Variants in NCOA2 observed in about 807,000 individuals in gnomAD.
NCOA2 encodes nuclear receptor coactivator 2.
NCOA2 carries 21 observed loss-of-function variants against 145.1 expected under a neutral mutation model. The ratio of observed to expected loss-of-function variants is 0.14; its 90% CI spans 0.10 to 0.21. The LOEUF is 0.21. NCOA2 is among the 10% of genes least tolerant of loss of function. NCOA2 has a pLI of 1.00. For synonymous variants in NCOA2, 619 were observed against 637.5 expected, an observed-to-expected ratio of 0.97 and a Z score of 0.44; for missense variants, 1,472 against 1,837.6, an observed-to-expected ratio of 0.80 and a Z score of 3.64.
At chr8:70,124,612 G>A in intron 20 of NCOA2, 76 bp downstream of exon 20, 1 of 1,388,400 alleles carries the variant, frequency 7.2e-7, no homozygotes, top group East Asian at 2.4e-5. Flanking sequence ...AAGCTCCTCG[G>A]GTGCAGGCAT....
At chr8:70,201,554 T>C (rs1025762417) in intron 4 of NCOA2, among the ~76,000 whole-genome samples, 1 of 152,226 alleles carries the variant, frequency 6.6e-6, no homozygotes, top group Non-Finnish European at 1.5e-5. Context: ...CACAAGCTCC[T>C]ACACTGATTA....
the NCOA2 span, among the ~76,000 whole-genome samples, chr8:70,434,801 G>A: frequency 2.0e-5 from 3 of 152,002 alleles, no homozygotes; most frequent in East Asian, 1.9e-4. Context: ...GAACTCCTGG[G>A]TTCAAGCCAT....
rs540561968 is a variant in NCOA2, at chr8:70,293,237, C to A, written c.-20+3507G>T. The stretch of plus-strand genomic sequence containing the variant: ...TAGTGCCCAAAGCCTGATACCTGTA[C>A]CTCAAATCAAAGTGCCCATATCTTC... On this transcript the variant is annotated intron_variant, in intron 2 of 22. Coordinates refer to ENST00000452400, the MANE Select transcript of NCOA2 (RefSeq NM_006540.4). 2.6e-5 allele frequency among the ~76,000 whole-genome samples: 4 copies of A among 152,198 alleles called. No homozygotes were observed. The South Asian group carries it at 8.3e-4, about 32-fold the overall frequency.
chr8:70,156,909 G>C lies in NCOA2; in HGVS notation c.1456C>G (p.Leu486Val), dbSNP rs2132240335. The change falls in exon 11 of 23, where the codon CTT becomes GTT. Residue 486 changes from leucine (L) to valine (V), a missense_variant. By Grantham distance (32) the Leu-to-Val change is conservative (BLOSUM62 1). This residue lies in a region of NCOA2 where 953 missense variants were observed against 1,062.1 expected (regional missense o/e 0.90). Coordinates refer to ENST00000452400, the MANE Select transcript of NCOA2 (RefSeq NM_006540.4). ...GMNPGQPTSM[L>V]SPRHRMSPGV... The stretch of plus-strand genomic sequence containing the variant: ...GGGCTCATGCGATGCCTTGGTGAAA[G>C]CATGGAGGTGGGCTGTCCTGGATTC... 1.2e-6 allele frequency: 2 copies of C among 1,614,042 alleles called. No individual in the cohort carries two copies. Among genetic ancestry groups the C allele is most frequent in the East Asian group, 4.5e-5 (2 of 44,876 alleles).
At chr8:70,384,267 A>G (rs1812472532) in intron 1 of NCOA2, among the ~76,000 whole-genome samples, 4 of 152,028 alleles carry the variant, frequency 2.6e-5, no homozygotes. Context: ...TCCAAAAAAA[A>G]AAAACACACA....
intron 2 of NCOA2, among the ~76,000 whole-genome samples, chr8:70,241,127 T>C (rs1167764417): frequency 6.6e-6 from 1 of 152,184 alleles, no homozygotes; most frequent in Non-Finnish European, 1.5e-5. Context: ...AGGATCTTTA[T>C]TTGGATTCTC....
chr8:70,130,473 G>A (rs1333754854), intron 16 of NCOA2, among the ~76,000 whole-genome samples: 1 of 152,070 alleles, frequency 6.6e-6, no homozygotes, highest in Non-Finnish European at 1.5e-5. Context: ...TAGTACTGAG[G>A]GCTGAATTCT....
chr8:70,442,055 AAGAGAG>A, the NCOA2 span, among the ~76,000 whole-genome samples: 1 of 137,188 alleles, frequency 7.3e-6, no homozygotes, highest in African/African-American at 2.5e-5. Context: ...GAAGAAAGGA[AAGAGAG>A]AGAAAGAGGA....
chr8:70,343,130 T>C (rs779518356), intron 1 of NCOA2, among the ~76,000 whole-genome samples: 90 of 152,222 alleles, frequency 5.9e-4, no homozygotes, highest in Admixed American at 1.9e-3. Context: ...TGTAACTCCA[T>C]AGGTTAGTAA....
Position 70,258,435 on chromosome 8 carries a change from C to A in NCOA2, c.-20+38309G>T, listed in dbSNP as rs373809051. Among the ~76,000 whole-genome samples, 140 of 152,356 alleles carry A rather than the reference C, an allele frequency of 9.2e-4. 4 individuals are homozygous for A. The South Asian group carries it at 0.028, about 31-fold the overall frequency. On this transcript the variant is annotated intron_variant, in intron 2 of 22. Transcript: ENST00000452400. The stretch of plus-strand genomic sequence containing the variant: ...ATGTACCCAAAATTGAACTCCTCAC[C>A]TTTCTGAGGAAGTTTTTCTTTATCT...
intron 1 of NCOA2, among the ~76,000 whole-genome samples, chr8:70,304,474 T>A (rs1177246583): frequency 1.3e-5 from 2 of 150,726 alleles, no homozygotes; most frequent in African/African-American, 2.4e-5. Flanking sequence ...TATGCATATT[T>A]TTTTTTTTTT....
chr8:70,156,937 G>A lies in NCOA2; in HGVS notation c.1428C>T (p.Gly476=). ...TGGAGGTGGGCTGTCCTGGATTCAT[G>A]CCAGGGCTGCTTTGTGAGGGGCTGT... is the stretch of plus-strand genomic sequence containing the variant. The part of the protein sequence containing the change: ...KMNSPSQSSP[G]MNPGQPTSML... Residue 476 remains glycine, a synonymous_variant, in exon 11 of 23, where the codon GGC becomes GGT. Transcript: ENST00000452400. 1 of 1,614,038 alleles carries A rather than the reference G, an allele frequency of 6.2e-7. No individual in the cohort carries two copies. The highest frequency in any genetic ancestry group is 8.5e-7 in the Non-Finnish European group (1 of 1,179,894).
At chr8:70,444,118 A>G in the NCOA2 span, among the ~76,000 whole-genome samples, 3 of 152,222 alleles carry the variant, frequency 2.0e-5, no homozygotes, top group Non-Finnish European at 4.4e-5. Flanking sequence ...AATAATCCAA[A>G]TGTCCTTCAA....
chr8:70,423,042 T>C, the NCOA2 span, among the ~76,000 whole-genome samples: 1 of 152,188 alleles, frequency 6.6e-6, no homozygotes. Context: ...ATGGCTGTAC[T>C]GTAATGTATT....
intron 4 of NCOA2, among the ~76,000 whole-genome samples, chr8:70,200,251 T>C (rs971489033): frequency 1.8e-4 from 27 of 152,122 alleles, no homozygotes; most frequent in Admixed American, 9.2e-4. Flanking sequence ...CTGCATAAAA[T>C]ATGTATATTT....
intron 8 of NCOA2, 108 bp downstream of exon 8, chr8:70,163,357 A>G: frequency 1.4e-6 from 1 of 739,920 alleles, no homozygotes; most frequent in Non-Finnish European, 2.2e-6. Context: ...TGCAGCAGCA[A>G]TTGCTAGTAC....
chr8:70,379,477 A>C (rs945077821), intron 1 of NCOA2, among the ~76,000 whole-genome samples: 1 of 152,222 alleles, frequency 6.6e-6, no homozygotes. Flanking sequence ...GAATTGGTCC[A>C]GACAAATGCA....
chr8:70,333,709 C>G (rs1563774396), intron 1 of NCOA2, among the ~76,000 whole-genome samples: 1 of 152,158 alleles, frequency 6.6e-6, no homozygotes, highest in African/African-American at 2.4e-5. Context: ...TGTCAATTCA[C>G]CAGTCCTAAA....
intron 3 of NCOA2, among the ~76,000 whole-genome samples, chr8:70,216,408 T>A (rs1819623719): frequency 6.9e-6 from 1 of 144,204 alleles, no homozygotes; most frequent in Non-Finnish European, 1.5e-5. Context: ...AACTCAATAT[T>A]ATTAAATAAA....
Sources: gnomAD v4.1 joint callset for allele counts (sites outside exome capture counted in the v4.1 genomes callset) on GRCh38, gnomAD v4.1.1 for gene constraint, gnomAD v4.1.1 regional missense constraint, MANE v1.5 for transcripts, NCBI Gene and HGNC (gene_info 2026-07-23, HGNC 2026-07-21) for gene names.